Variants in NAALADL2 observed in about 807,000 individuals in gnomAD.
The protein encoded by NAALADL2 is N-acetylated alpha-linked acidic dipeptidase like 2.
In NAALADL2, 76 loss-of-function variants were observed where a neutral mutation model predicts 87.2. That is an observed-to-expected ratio of 0.87 (90% confidence interval 0.72 to 1.05). The LOEUF is 1.05. Among genes scored for constraint, NAALADL2 ranks in the 50% least tolerant of loss-of-function variants. NAALADL2 has a pLI of 0.00. For synonymous variants in NAALADL2, 354 were observed against 331.0 expected (o/e 1.07, Z -0.75); for missense variants, 1,089 against 945.8 (o/e 1.15, Z -1.99).
At chr3:174,820,088 T>C (rs1721256958) in intron 3 of NAALADL2, among the ~76,000 whole-genome samples, 1 of 152,136 alleles carries the variant, frequency 6.6e-6, no homozygotes, top group Non-Finnish European at 1.5e-5. Flanking sequence ...TTTTCATGTA[T>C]TTTACAGTTG....
intron 5 of NAALADL2, among the ~76,000 whole-genome samples, chr3:175,364,627 C>G (rs1765365188): frequency 6.8e-6 from 1 of 147,574 alleles, no homozygotes; most frequent in Non-Finnish European, 1.5e-5. Context: ...GCTTGATGTT[C>G]CCAAAACACA....
Position 174,842,690 on chromosome 3 carries a change from C to T in NAALADL2, c.-9+104944C>T, listed in dbSNP as rs562040149. On this transcript the variant is annotated intron_variant, in intron 3 of 3. Transcript: ENST00000434257. ...TGTAGTTTCACTAGTTTCACTTCTA[C>T]TTGACATCCGGCTTGGTACCTCTAT... Among the ~76,000 whole-genome samples, 294 of 152,258 alleles carry T rather than the reference C, an allele frequency of 1.9e-3. 3 individuals are homozygous for T. Among genetic ancestry groups the T allele is most frequent in the African/African-American group, 6.8e-3 (282 of 41,546 alleles).
chr3:174,551,116 G>A (rs1018987717), intron 2 of NAALADL2: 9 of 152,010 alleles, frequency 5.9e-5, no homozygotes, highest in African/African-American at 1.9e-4. Flanking sequence ...TTAGCATCAG[G>A]TATATCTTCT....
intron 3 of NAALADL2, among the ~76,000 whole-genome samples, chr3:174,771,388 C>G (rs192264239): frequency 6.6e-6 from 1 of 152,164 alleles, no homozygotes; most frequent in East Asian, 1.9e-4. Context: ...GAGTGCAATA[C>G]GAGGTTTTAC....
intron 4 of NAALADL2, among the ~76,000 whole-genome samples, chr3:175,287,003 C>G (rs1461916127): frequency 6.9e-6 from 1 of 145,442 alleles, no homozygotes; most frequent in Non-Finnish European, 1.5e-5. Flanking sequence ...GGGGATGGGG[C>G]GGAGGTGGAG....
intron 2 of NAALADL2, among the ~76,000 whole-genome samples, chr3:175,219,886 T>A (rs1192523146): frequency 6.7e-6 from 1 of 149,358 alleles, no homozygotes; most frequent in Non-Finnish European, 1.5e-5. Context: ...TTTTTTTGCC[T>A]ATCTTTCAAC....
At chr3:174,543,227 G>T (rs1010096803) in intron 1 of NAALADL2, among the ~76,000 whole-genome samples, 4 of 152,076 alleles carry the variant, frequency 2.6e-5, no homozygotes, top group Admixed American at 2.0e-4. Flanking sequence ...CATCTTCTGA[G>T]GAATTAACTT....
At chr3:175,682,046 C>T (rs940833148) in intron 11 of NAALADL2, among the ~76,000 whole-genome samples, 5 of 152,102 alleles carry the variant, frequency 3.3e-5, no homozygotes, top group African/African-American at 7.2e-5. Context: ...GCCAAAATCC[C>T]ATTATAACTT....
intron 5 of NAALADL2, among the ~76,000 whole-genome samples, chr3:175,327,805 A>G (rs1307738535): frequency 6.6e-6 from 1 of 152,184 alleles, no homozygotes; most frequent in African/African-American, 2.4e-5. Context: ...GGTTAGTAAG[A>G]GTCTTCATTA....
intron 1 of NAALADL2, among the ~76,000 whole-genome samples, chr3:174,919,677 C>A (rs1488298770): frequency 6.6e-6 from 1 of 152,170 alleles, no homozygotes; most frequent in Non-Finnish European, 1.5e-5. Flanking sequence ...GATATTTTAA[C>A]CTCCTCCCGT....
chr3:174,870,367 T>G (rs1727669550), intron 1 of NAALADL2, among the ~76,000 whole-genome samples: 1 of 152,114 alleles, frequency 6.6e-6, no homozygotes, highest in African/African-American at 2.4e-5. Flanking sequence ...TGTGTAACAT[T>G]AGGAAAGCAT....
chr3:175,760,629 G>A (rs1181988427), intron 13 of NAALADL2, among the ~76,000 whole-genome samples: 1 of 152,134 alleles, frequency 6.6e-6, no homozygotes, highest in Non-Finnish European at 1.5e-5. Context: ...AGGGGATTAT[G>A]CATTTTGTTA....
intron 9 of NAALADL2, among the ~76,000 whole-genome samples, chr3:175,552,498 C>T (rs965520788): frequency 1.3e-5 from 2 of 152,130 alleles, no homozygotes; most frequent in African/African-American, 4.8e-5. Context: ...TTGAAATATA[C>T]AGCTATACTT....
chr3:174,469,197 A>G (rs1177130226), intron 1 of NAALADL2, among the ~76,000 whole-genome samples: 1 of 151,948 alleles, frequency 6.6e-6, no homozygotes, highest in East Asian at 1.9e-4. Context: ...TGATCATACT[A>G]CTTCTCCTCT....
At chr3:174,955,215 A>G (rs1348551203) in intron 1 of NAALADL2, among the ~76,000 whole-genome samples, 1 of 152,120 alleles carries the variant, frequency 6.6e-6, no homozygotes, top group Non-Finnish European at 1.5e-5. Flanking sequence ...AACTACAAAT[A>G]TAATTCACGA....
At chr3:174,443,794 G>A (rs1254384489) in intron 1 of NAALADL2, among the ~76,000 whole-genome samples, 2 of 144,764 alleles carry the variant, frequency 1.4e-5, no homozygotes, top group African/African-American at 4.9e-5. Context: ...GGGAAAGCAG[G>A]AGAATATGGA....
intron 13 of NAALADL2, among the ~76,000 whole-genome samples, chr3:175,787,500 T>C (rs1752197801): frequency 6.6e-6 from 1 of 152,198 alleles, no homozygotes; most frequent in South Asian, 2.1e-4. Flanking sequence ...ACCCCTTTCT[T>C]TGACTCGGAA....
chr3:174,939,151 T>C (rs866695580), intron 1 of NAALADL2, among the ~76,000 whole-genome samples: 1 of 152,180 alleles, frequency 6.6e-6, no homozygotes, highest in African/African-American at 2.4e-5. Flanking sequence ...ATTTTACTTT[T>C]AAGTCTTTAA....
intron 2 of NAALADL2, among the ~76,000 whole-genome samples, chr3:175,175,134 A>G (rs1735524682): frequency 1.3e-5 from 2 of 152,082 alleles, no homozygotes; most frequent in Admixed American, 1.3e-4. Flanking sequence ...GGTTTGGGGT[A>G]GAATGCAATG....
Sources: allele counts gnomAD v4.1 joint callset (sites outside exome capture counted in the v4.1 genomes callset), GRCh38; gene constraint gnomAD v4.1.1; transcripts MANE v1.5; gene names NCBI Gene and HGNC (gene_info 2026-07-23, HGNC 2026-07-21).